Variants in SERGEF observed in about 807,000 individuals in gnomAD.
The protein encoded by SERGEF is secretion regulating guanine nucleotide exchange factor, also known as secretion-regulating guanine nucleotide exchange factor.
A neutral mutation model predicts 50.0 loss-of-function variants in SERGEF; 51 were observed. The observed-to-expected ratio is 1.02, with a 90% CI of 0.81 to 1.29. The LOEUF (loss-of-function observed/expected upper bound fraction) is 1.29, where lower values mean the gene tolerates loss of function less well. SERGEF is among the 50% of genes most tolerant of loss of function. SERGEF has a pLI of 0.00. For missense variants in SERGEF, 521 were observed against 557.0 expected, an observed-to-expected ratio of 0.94 and a Z score of 0.65; for synonymous variants, 205 against 212.4, an observed-to-expected ratio of 0.97 and a Z score of 0.30.
Position 17,849,752 on chromosome 11 carries a change from A to G in SERGEF, c.1048+28456T>C, listed in dbSNP as rs1451605222. Among the ~76,000 whole-genome samples, 3 of 152,228 alleles carry G rather than the reference A, an allele frequency of 2.0e-5. No individual in the cohort carries two copies. In the East Asian group the frequency reaches 5.8e-4, roughly 29 times the overall value. On this transcript the variant is annotated intron_variant, in intron 10 of 10. Coordinates refer to ENST00000265965, the MANE Select transcript of SERGEF (RefSeq NM_012139.4). The stretch of plus-strand genomic sequence containing the variant: ...AAATATTATTTGACCCATTTTACAG[A>G]TGAGGAATCTTAGGACCTGAGAGAT...
intron 9 of SERGEF, among the ~76,000 whole-genome samples, chr11:17,879,930 T>C (rs1191381435): frequency 2.0e-5 from 3 of 152,238 alleles, no homozygotes; most frequent in Non-Finnish European, 4.4e-5. Flanking sequence ...GTTCCTTTGG[T>C]AGTGTTTCTC....
chr11:18,002,112 T>G (rs1259818341), intron 4 of SERGEF: 1 of 441,048 alleles, frequency 2.3e-6, no homozygotes, highest in African/African-American at 2.0e-5. Context: ...AATCTTAGCG[T>G]TAATACAATT....
chr11:17,804,686 A>G (rs1849727080), intron 10 of SERGEF, among the ~76,000 whole-genome samples: 1 of 152,172 alleles, frequency 6.6e-6, no homozygotes, highest in Non-Finnish European at 1.5e-5. Flanking sequence ...CACCTATGAA[A>G]AAGTTGTTTG....
At chr11:17,815,023 T>TA (rs1171943037) in intron 10 of SERGEF, among the ~76,000 whole-genome samples, 3 of 151,800 alleles carry the variant, frequency 2.0e-5, no homozygotes, top group Non-Finnish European at 4.4e-5. Context: ...TCTACAAAGA[T>TA]AAAAAATTAA....
At chr11:17,948,038 C>G (rs545827741) in intron 9 of SERGEF, among the ~76,000 whole-genome samples, 1 of 151,524 alleles carries the variant, frequency 6.6e-6, no homozygotes, top group South Asian at 2.1e-4. Flanking sequence ...CTGCAACCTC[C>G]ATTTCCCAGC....
intron 9 of SERGEF, among the ~76,000 whole-genome samples, chr11:17,942,846 T>C (rs1045715809): frequency 2.0e-5 from 3 of 152,208 alleles, no homozygotes; most frequent in Non-Finnish European, 4.4e-5. Flanking sequence ...TCCACAACTG[T>C]TGAAGTTATT....
intron 5 of SERGEF, among the ~76,000 whole-genome samples, chr11:17,996,426 TG>T (rs1165997765): frequency 1.3e-5 from 2 of 152,220 alleles, no homozygotes; most frequent in Non-Finnish European, 2.9e-5. Flanking sequence ...GACACCAAGA[TG>T]AATTCAAAGA....
At chr11:17,802,353 A>G (rs1237298380) in intron 10 of SERGEF, among the ~76,000 whole-genome samples, 1 of 151,816 alleles carries the variant, frequency 6.6e-6, no homozygotes, top group Non-Finnish European at 1.5e-5. Flanking sequence ...CCCTCCCTGC[A>G]TGACTATACA....
At chr11:17,788,812 C>A (rs1452967320) in intron 10 of SERGEF, among the ~76,000 whole-genome samples, 1 of 152,244 alleles carries the variant, frequency 6.6e-6, no homozygotes, top group Non-Finnish European at 1.5e-5. Context: ...TTTCTCTTAC[C>A]TGGGCCATGC....
At chr11:18,001,377 G>A (rs185769033) in intron 4 of SERGEF, among the ~76,000 whole-genome samples, 11 of 152,222 alleles carry the variant, frequency 7.2e-5, no homozygotes, top group South Asian at 6.2e-4. Context: ...GAGTCTAGGC[G>A]AAAAAAGGCA....
intron 8 of SERGEF, among the ~76,000 whole-genome samples, chr11:17,962,622 G>A (rs546941301): frequency 1.3e-5 from 2 of 152,264 alleles, no homozygotes; most frequent in East Asian, 1.9e-4. Flanking sequence ...CAATTTATAA[G>A]GCATGTCCAT....
intron 10 of SERGEF, among the ~76,000 whole-genome samples, chr11:17,790,368 C>T (rs1849461666): frequency 6.6e-6 from 1 of 151,274 alleles, no homozygotes; most frequent in Non-Finnish European, 1.5e-5. Context: ...TTGCTCTTTA[C>T]ACTCATCATT....
At chr11:17,836,455 G>A (rs908377482) in intron 10 of SERGEF, among the ~76,000 whole-genome samples, 1 of 152,114 alleles carries the variant, frequency 6.6e-6, no homozygotes, top group Non-Finnish European at 1.5e-5. Context: ...TAGAAAATGG[G>A]GATTTGATTG....
At chr11:17,816,691 A>T (rs139684576) in intron 10 of SERGEF, among the ~76,000 whole-genome samples, 2 of 152,180 alleles carry the variant, frequency 1.3e-5, no homozygotes, top group African/African-American at 4.8e-5. Context: ...CAAAGTGCTG[A>T]GGCGATCCTT....
At chr11:17,930,757 G>A (rs1012218236) in intron 9 of SERGEF, among the ~76,000 whole-genome samples, 4 of 152,118 alleles carry the variant, frequency 2.6e-5, no homozygotes, top group African/African-American at 7.2e-5. Context: ...TGTGTGATTT[G>A]GGACAAGAGT....
chr11:17,879,080 A>G (rs1474978570), intron 9 of SERGEF, among the ~76,000 whole-genome samples: 1 of 152,234 alleles, frequency 6.6e-6, no homozygotes, highest in Non-Finnish European at 1.5e-5. Flanking sequence ...TGGATTGGAC[A>G]AGGCCTGGGA....
rs200203942 is a variant in SERGEF, at chr11:17,896,863, G to GT, written c.1012-18620_1012-18619insA. 9.6e-3 allele frequency among the ~76,000 whole-genome samples: 27 copies of GT among 2,826 alleles called. 1 individual carries two copies. The highest frequency in any genetic ancestry group is 0.012 in the Non-Finnish European group (15 of 1,244). The allele number at this position is 2,826 out of a possible 152,430, so 1.9% of individuals were successfully genotyped here. A position where few individuals can be genotyped will look rare whatever the true frequency, so the allele number is the denominator to read the frequency against. On this transcript the variant is annotated intron_variant, in intron 9 of 10. Transcript: ENST00000265965. ...AAGGGAAGGGAAGGGTAAGGGAAGG[G>GT]AAGGGAAGGGAAGGGAAGGGAAGGG...
intron 8 of SERGEF, among the ~76,000 whole-genome samples, chr11:17,960,299 C>T (rs1852970746): frequency 6.6e-6 from 1 of 152,192 alleles, no homozygotes; most frequent in Admixed American, 6.5e-5. Flanking sequence ...CCCCCAGATG[C>T]ACCACATGGG....
chr11:17,916,244 C>T (rs1253089373), intron 9 of SERGEF, among the ~76,000 whole-genome samples: 6 of 152,110 alleles, frequency 3.9e-5, no homozygotes, highest in Non-Finnish European at 1.5e-5. Flanking sequence ...CCTCTACAGT[C>T]CAAGAATGTT....
Sources: gnomAD v4.1 joint callset for allele counts (sites outside exome capture counted in the v4.1 genomes callset) on GRCh38, gnomAD v4.1.1 for gene constraint, MANE v1.5 for transcripts, NCBI Gene and HGNC (gene_info 2026-07-23, HGNC 2026-07-21) for gene names.